Variants in BRI3 observed in about 807,000 individuals in gnomAD.
BRI3 encodes membrane protein BRI3.
Under a neutral mutation model 12.8 loss-of-function variants are expected in BRI3, and 6 were observed. The observed-to-expected ratio is 0.47, with a 90% CI of 0.26 to 0.93. The LOEUF is 0.93. BRI3 is among the 40% of genes least tolerant of loss of function. The pLI is 0.15. For synonymous variants in BRI3, 91 were observed against 76.1 expected, an observed-to-expected ratio of 1.20 and a Z score of -1.02; for missense variants, 134 against 171.1, an observed-to-expected ratio of 0.78 and a Z score of 1.21.
Position 98,282,470 on chromosome 7 carries a change from C to T in BRI3, c.245+17C>T, listed in dbSNP as rs1323133342. 12 of 1,601,854 alleles carry T rather than the reference C, an allele frequency of 7.5e-6. No homozygotes were observed. Among genetic ancestry groups the T allele is most frequent in the South Asian group, 1.1e-5 (1 of 90,826 alleles). On this transcript the variant is annotated intron_variant, in intron 2 of 2. Coordinates refer to ENST00000297290, the MANE Select transcript of BRI3 (RefSeq NM_015379.5). Reference sequence around the variant, plus strand: ...TGTCTGCAGGTGAGTGGGTCTGCAGCCTGGGGACTGGCCCTGGAAGCTCTG... The same window carrying T: ...TGTCTGCAGGTGAGTGGGTCTGCAGTCTGGGGACTGGCCCTGGAAGCTCTG...
At chr7:98,283,696 C>T (rs1023578047) in intron 2 of BRI3, among the ~76,000 whole-genome samples, 2 of 152,160 alleles carry the variant, frequency 1.3e-5, no homozygotes, top group African/African-American at 4.8e-5. Context: ...TTGTCCATGC[C>T]CTGCCATCCC....
downstream of BRI3, among the ~76,000 whole-genome samples, chr7:98,312,694 C>T (rs897987932): frequency 1.1e-4 from 17 of 152,142 alleles, no homozygotes; most frequent in African/African-American, 3.6e-4. Context: ...TGACTCTGAC[C>T]GATTCAGACA....
downstream of BRI3, among the ~76,000 whole-genome samples, chr7:98,297,272 C>A (rs1449613943): frequency 6.6e-6 from 1 of 152,266 alleles, no homozygotes; most frequent in African/African-American, 2.4e-5. Flanking sequence ...CTGGTCCACA[C>A]CCCCTTCCCG....
upstream of BRI3, among the ~76,000 whole-genome samples, chr7:98,305,831 T>C (rs924258071): frequency 1.3e-5 from 2 of 152,120 alleles, no homozygotes; most frequent in Non-Finnish European, 2.9e-5. Flanking sequence ...ATAACTACTG[T>C]TAGTATCTGA....
At chr7:98,307,470 G>A (rs1800701703) in intron 1 of BRI3, 16 of 1,409,882 alleles carry the variant, frequency 1.1e-5, no homozygotes, top group South Asian at 4.6e-5. Flanking sequence ...GACTTCATAC[G>A]CTCTAATAAC....
At chr7:98,307,399 C>G (rs1182641966) in intron 1 of BRI3, 2 of 1,236,186 alleles carry the variant, frequency 1.6e-6, no homozygotes, top group Non-Finnish European at 2.0e-6. Flanking sequence ...AGCCACTGCA[C>G]TGGCCAAATG....
chr7:98,305,037 TTTG>T (rs1411284362), upstream of BRI3, among the ~76,000 whole-genome samples: 35 of 118,566 alleles, frequency 3.0e-4, no homozygotes, highest in African/African-American at 1.3e-3. Flanking sequence ...AGCTAATTTT[TTTG>T]TTTTTTGTTT....
chr7:98,282,121 G>T (rs887711310), intron 1 of BRI3, among the ~76,000 whole-genome samples, 184 bp downstream of exon 1: 9 of 152,170 alleles, frequency 5.9e-5, no homozygotes, highest in Non-Finnish European at 1.0e-4. Context: ...TAGTCCTCGG[G>T]CCCGTCGTAA....
chr7:98,305,047 G>GTTTTTTTTTTTT (rs59633894), upstream of BRI3, among the ~76,000 whole-genome samples: 4 of 100,380 alleles, frequency 4.0e-5, no homozygotes, highest in Non-Finnish European at 7.3e-5. Context: ...TTTGTTTTTT[G>GTTTTTTTTTTTT]TTTTTTTTTT....
the BRI3 span, chr7:98,317,399 C>G: frequency 6.2e-7 from 1 of 1,606,346 alleles, no homozygotes; most frequent in Non-Finnish European, 8.5e-7. Context: ...TGGCACCACA[C>G]GAATTGTCAC....
chr7:98,292,930 A>G (rs1050212883), downstream of BRI3: 2 of 1,353,976 alleles, frequency 1.5e-6, no homozygotes, highest in East Asian at 2.8e-5. Context: ...AAAGCGTCTT[A>G]GCACTCTACA....
chr7:98,300,173 C>T (rs1800362063), intron 1 of BRI3, among the ~76,000 whole-genome samples: 1 of 152,222 alleles, frequency 6.6e-6, no homozygotes, highest in Admixed American at 6.6e-5. Context: ...TCCATCTGTG[C>T]TGCTCGTCTC....
intron 2 of BRI3, among the ~76,000 whole-genome samples, chr7:98,283,904 G>A (rs1420140825): frequency 6.6e-6 from 1 of 152,208 alleles, no homozygotes; most frequent in Non-Finnish European, 1.5e-5. Flanking sequence ...CCAGGGCTGG[G>A]GGGCGCCGAG....
chr7:98,313,839 A>C (rs1800970753), downstream of BRI3, among the ~76,000 whole-genome samples: 1 of 147,604 alleles, frequency 6.8e-6, no homozygotes, highest in African/African-American at 2.5e-5. Flanking sequence ...TATGCTGCCC[A>C]GGCTGGTCTG....
downstream of BRI3, chr7:98,292,897 G>C (rs1305357955): frequency 2.8e-6 from 4 of 1,422,536 alleles, no homozygotes; most frequent in South Asian, 3.1e-5. Flanking sequence ...CGAGTGCTAC[G>C]TGTGGCTGTG....
chr7:98,282,232 G>A (rs1344334881), intron 1 of BRI3, 119 bp from the exon 2 acceptor site: 2 of 948,276 alleles, frequency 2.1e-6, no homozygotes, highest in Non-Finnish European at 3.2e-6. Flanking sequence ...CCGTCCCGAG[G>A]GTGGAAAAGA....
chr7:98,308,609 A>G, exon 2 of BRI3: 1 of 250,596 alleles, frequency 4.0e-6, no homozygotes, highest in Non-Finnish European at 8.1e-6. Flanking sequence ...TGTGCTGTTC[A>G]TGTCTCCATT....
the BRI3 span, chr7:98,323,347 C>A: frequency 6.6e-6 from 1 of 152,260 alleles, no homozygotes; most frequent in East Asian, 1.9e-4. Flanking sequence ...AAAACCCGCT[C>A]CAGTTATTTA....
At chr7:98,303,614 C>A (rs992972300), upstream of BRI3, among the ~76,000 whole-genome samples, 9 of 152,154 alleles carry the variant, frequency 5.9e-5, no homozygotes, top group African/African-American at 1.9e-4. Context: ...GCTGGAGAGC[C>A]CACACCAGGG....
Sources: allele counts gnomAD v4.1 joint callset (sites outside exome capture counted in the v4.1 genomes callset), GRCh38; gene constraint gnomAD v4.1.1; transcripts MANE v1.5; gene names NCBI Gene and HGNC (gene_info 2026-07-23, HGNC 2026-07-21).